The following TENM3 variants were observed in gnomAD, a reference collection of about 807,000 sequenced individuals.
The protein encoded by TENM3 is teneurin-3.
A neutral mutation model predicts 255.1 loss-of-function variants in TENM3; 63 were observed. That is an observed-to-expected ratio of 0.25 (90% CI 0.20 to 0.30). The LOEUF is 0.30. TENM3 is among the 10% of genes least tolerant of loss of function. The pLI, the probability that TENM3 is intolerant of heterozygous loss-of-function variation, is 1.00. For synonymous variants in TENM3, 1,306 were observed against 1,322.3 expected (o/e 0.99, Z 0.27); for missense variants, 2,929 against 3,461.1 (o/e 0.85, Z 3.86).
intron 3 of TENM3, among the ~76,000 whole-genome samples, chr4:182,403,466 T>G (rs1769339885): frequency 6.6e-6 from 1 of 152,206 alleles, no homozygotes; most frequent in Non-Finnish European, 1.5e-5. Flanking sequence ...TATCCTACAT[T>G]ATGTTATGTC....
At chr4:181,616,294 A>C in the TENM3 span, among the ~76,000 whole-genome samples, 2 of 142,392 alleles carry the variant, frequency 1.4e-5, no homozygotes, top group East Asian at 4.2e-4. Context: ...AAAAAAAAAA[A>C]AAAAAAAGAA....
the TENM3 span, among the ~76,000 whole-genome samples, chr4:181,936,916 C>T: frequency 1.5e-4 from 23 of 152,038 alleles, no homozygotes; most frequent in Non-Finnish European, 3.1e-4. Flanking sequence ...CTGCCCCCCA[C>T]GAAGCTTTCA....
chr4:181,817,418 G>A, the TENM3 span, among the ~76,000 whole-genome samples: 1,290 of 152,238 alleles, frequency 8.5e-3, 29 homozygotes, highest in African/African-American at 0.029. Flanking sequence ...TTGGGGAGAT[G>A]AACCAAAACT....
At chr4:182,576,536 T>C (rs1160579759) in intron 3 of TENM3, among the ~76,000 whole-genome samples, 1 of 152,196 alleles carries the variant, frequency 6.6e-6, no homozygotes, top group East Asian at 1.9e-4. Context: ...GTGAAGTAAT[T>C]TTAAAAGATG....
In TENM3 at chr4:182,793,734, AAG is replaced by A. The variant is rs1561264184; in HGVS notation, c.7066_7067del (p.Asp2356LeufsTer2). 1 of 1,613,934 alleles carries A rather than the reference AAG, an allele frequency of 6.2e-7. No individual in the cohort carries two copies. ...TCACCAAATTAATCCACTTTGGAGA[AAG>A]AGATTATGACATTTTGGCAGGACGG... ...PLTKLIHFGE[R>X]DYDILAGRWT... On this transcript the variant is annotated frameshift_variant, in exon 26 of 28. Transcript: ENST00000511685. LOFTEE classifies it high-confidence loss of function. This position sits in a 1 kb window ranked among gnomAD's most constrained non-coding sequence, Gnocchi z 5.7.
chr4:182,131,179 G>A, the TENM3 span, among the ~76,000 whole-genome samples: 3 of 152,116 alleles, frequency 2.0e-5, no homozygotes, highest in Admixed American at 6.5e-5. Context: ...GTGCAGAACA[G>A]ACAAAGAGAT....
the TENM3 span, among the ~76,000 whole-genome samples, chr4:181,890,269 C>A: frequency 3.3e-5 from 5 of 152,164 alleles, no homozygotes; most frequent in African/African-American, 4.8e-5. Flanking sequence ...TTTTAGTTAT[C>A]AGCCCAAGGG....
upstream of TENM3, among the ~76,000 whole-genome samples, chr4:182,140,905 T>A (rs973150751): frequency 8.6e-5 from 13 of 151,970 alleles, no homozygotes; most frequent in Middle Eastern, 3.2e-3. Flanking sequence ...CAGGGCAGGG[T>A]GCTGTTGGCC....
chr4:182,540,896 G>A (rs147101972), intron 3 of TENM3, among the ~76,000 whole-genome samples: 219 of 152,286 alleles, frequency 1.4e-3, no homozygotes, highest in African/African-American at 4.9e-3. Flanking sequence ...TGAGGAATCA[G>A]TGTTTTGCTC....
chr4:182,426,861 A>G (rs987436694), intron 3 of TENM3, among the ~76,000 whole-genome samples: 2 of 152,192 alleles, frequency 1.3e-5, no homozygotes, highest in Non-Finnish European at 2.9e-5. Context: ...CCAGACAGAA[A>G]TTATAGTACC....
Position 182,755,174 on chromosome 4 carries a change from C to G in TENM3, c.4807C>G (p.Leu1603Val), listed in dbSNP as rs1762636446. ...GCLKSMTAQG[L>V]ELVLFTYHGN... ...TTTGAAAAGCATGACTGCTCAAGGA[C>G]TGGAATTAGTTTTGTTTACTTACCA... The change falls in exon 22 of 28, where the codon CTG becomes GTG. Residue 1603 changes from leucine to valine, a missense_variant. By Grantham distance (32) the Leu-to-Val change is conservative. Transcript: ENST00000511685. 6.2e-7 allele frequency: 1 copy of G among 1,613,732 alleles called. No individual in the cohort carries two copies.
chr4:181,971,494 T>C, the TENM3 span, among the ~76,000 whole-genome samples: 1 of 152,150 alleles, frequency 6.6e-6, no homozygotes, highest in African/African-American at 2.4e-5. Context: ...ACTAACTTAA[T>C]ATAGTTCTAC....
At chr4:182,006,451 T>C in the TENM3 span, among the ~76,000 whole-genome samples, 1 of 152,212 alleles carries the variant, frequency 6.6e-6, no homozygotes, top group Non-Finnish European at 1.5e-5. Context: ...AGGCTTAGTC[T>C]TGGTAGGTTG....
the TENM3 span, among the ~76,000 whole-genome samples, chr4:181,933,860 C>A: frequency 0.015 from 2,317 of 152,224 alleles, 61 homozygotes; most frequent in African/African-American, 0.053. Context: ...CAATCAGACT[C>A]AATAGATTTT....
At chr4:182,282,957 A>T (rs1185791934) in intron 1 of TENM3, among the ~76,000 whole-genome samples, 3 of 152,008 alleles carry the variant, frequency 2.0e-5, no homozygotes, top group Non-Finnish European at 4.4e-5. Flanking sequence ...TATATCAGTA[A>T]TATATTTTAT....
At chr4:181,759,362 A>ACAT in the TENM3 span, among the ~76,000 whole-genome samples, 158 of 152,264 alleles carry the variant, frequency 1.0e-3, no homozygotes, top group Middle Eastern at 0.01. Context: ...TGTAAAAAGC[A>ACAT]CATCTAAAAT....
chr4:182,371,292 G>A (rs1306646911), intron 3 of TENM3, among the ~76,000 whole-genome samples: 1 of 150,864 alleles, frequency 6.6e-6, no homozygotes, highest in Non-Finnish European at 1.5e-5. Flanking sequence ...CACTGTTGAT[G>A]TTGGTACCCA....
At chr4:181,821,206 G>A in the TENM3 span, among the ~76,000 whole-genome samples, 1 of 152,066 alleles carries the variant, frequency 6.6e-6, no homozygotes, top group Non-Finnish European at 1.5e-5. Context: ...TTGCTTTGGT[G>A]GCTTTCCTCA....
chr4:182,487,128 T>G (rs759247216), intron 3 of TENM3, among the ~76,000 whole-genome samples: 5 of 152,140 alleles, frequency 3.3e-5, no homozygotes, highest in Non-Finnish European at 7.4e-5. Context: ...TTCTAGAATT[T>G]GGTGAGTCAC....
Sources: gnomAD v4.1 joint callset for allele counts (sites outside exome capture counted in the v4.1 genomes callset) on GRCh38, gnomAD v4.1.1 for gene constraint, Gnocchi (gnomAD v3.1) non-coding constraint, MANE v1.5 for transcripts, NCBI Gene and HGNC (gene_info 2026-07-23, HGNC 2026-07-21) for gene names.